CLEC2A: variants seen among roughly 807,000 people sequenced by gnomAD.
CLEC2A encodes the protein C-type lectin domain family 2 member A, also known as keratinocyte-associated C-type lectin.
In CLEC2A, 19 loss-of-function variants were observed where a neutral mutation model predicts 18.6. The observed-to-expected ratio is 1.02, with a 90% CI of 0.71 to 1.50. The LOEUF (loss-of-function observed/expected upper bound fraction) is 1.50, where lower values mean the gene tolerates loss of function less well. Ranked by LOEUF, CLEC2A falls within the 40% of genes most tolerant of loss-of-function variation. The pLI, the probability that CLEC2A is intolerant of heterozygous loss-of-function variation, is 0.00. For synonymous variants in CLEC2A, 74 were observed against 64.0 expected (o/e 1.16, Z -0.75); for missense variants, 190 against 207.9 (o/e 0.91, Z 0.53).
chr12:9,921,999 T>A (rs947574278), intron 3 of CLEC2A, 67 bp downstream of exon 3: 1 of 1,254,548 alleles, frequency 8.0e-7, no homozygotes, highest in Non-Finnish European at 1.1e-6. Context: ...GTATTAGCTA[T>A]TATTGTTTTA....
chr12:9,919,235 C>T (rs544916191), intron 3 of CLEC2A, among the ~76,000 whole-genome samples: 1 of 152,286 alleles, frequency 6.6e-6, no homozygotes, highest in African/African-American at 2.4e-5. Context: ...ATGGAAGAGA[C>T]CTTAGTAGTG....
chr12:9,897,562 A>T (rs547256804), downstream of CLEC2A, among the ~76,000 whole-genome samples: 210 of 133,546 alleles, frequency 1.6e-3, 1 homozygote, highest in Non-Finnish European at 1.0e-3. Context: ...GCTCAGTATA[A>T]AAAAAAAAAA....
downstream of CLEC2A, among the ~76,000 whole-genome samples, chr12:9,912,665 CAA>C (rs3053814): frequency 1.1e-3 from 158 of 142,724 alleles, no homozygotes; most frequent in Non-Finnish European, 1.1e-3. Flanking sequence ...GGGTGAAAAG[CAA>C]AAAAAAAAAA....
At chr12:9,922,013 T>A in intron 3 of CLEC2A, 53 bp downstream of exon 3, 1 of 1,379,272 alleles carries the variant, frequency 7.3e-7, no homozygotes, top group Non-Finnish European at 9.8e-7. Flanking sequence ...TGTTTTATTA[T>A]GTTTTTATAC....
rs74715174 is a variant in CLEC2A, at chr12:9,913,327, A to C, written c.*239T>G. 2.1e-6 allele frequency: 1 copy of C among 476,958 alleles called. No individual in the cohort carries two copies. Among genetic ancestry groups the C allele is most frequent in the Non-Finnish European group, 3.3e-6 (1 of 298,682 alleles). 29.5% of individuals were successfully genotyped at this position (476,958 alleles called of 1,614,324 possible). A position where few individuals can be genotyped will look rare whatever the true frequency, so the allele number is the denominator to read the frequency against. Reference sequence around the variant, plus strand: ...TGGAGCCATCCATCAGGAGGTGATTAGTTCATGAGGATGGAGCCATAGTAA... The same window carrying C: ...TGGAGCCATCCATCAGGAGGTGATTCGTTCATGAGGATGGAGCCATAGTAA... On this transcript the variant is annotated 3_prime_UTR_variant, in exon 5 of 5. Coordinates refer to ENST00000455827, the MANE Select transcript of CLEC2A (RefSeq NM_001130711.2).
the CLEC2A span, among the ~76,000 whole-genome samples, chr12:9,886,824 C>G: frequency 6.7e-6 from 1 of 148,610 alleles, no homozygotes; most frequent in African/African-American, 2.5e-5. Context: ...ATAGATAGAG[C>G]CAGGTAGAGC....
At chr12:9,905,580 G>A (rs928878648) in intron 4 of CLEC2A, among the ~76,000 whole-genome samples, 6 of 152,142 alleles carry the variant, frequency 3.9e-5, no homozygotes, top group Non-Finnish European at 8.8e-5. Context: ...TCATAACAAG[G>A]CAATGGGGAG....
chr12:9,915,237 C>T (rs1301702276), intron 4 of CLEC2A, among the ~76,000 whole-genome samples: 1 of 152,076 alleles, frequency 6.6e-6, no homozygotes, highest in Non-Finnish European at 1.5e-5. Flanking sequence ...GATAGGAATG[C>T]TTATACACTG....
chr12:9,893,193 AC>A, the CLEC2A span: 1 of 1,521,084 alleles, frequency 6.6e-7, no homozygotes. Context: ...ACAGGATCTA[AC>A]TGCACAAGGA....
At chr12:9,928,204 G>A (rs1863310735) in intron 1 of CLEC2A, among the ~76,000 whole-genome samples, 2 of 152,172 alleles carry the variant, frequency 1.3e-5, no homozygotes, top group African/African-American at 2.4e-5. Flanking sequence ...AGTGGCTCAT[G>A]CCTGTAATCC....
chr12:9,910,144 T>G (rs543641845), downstream of CLEC2A, among the ~76,000 whole-genome samples: 1 of 152,120 alleles, frequency 6.6e-6, no homozygotes, highest in Non-Finnish European at 1.5e-5. Context: ...AAATTGAGGG[T>G]TTGAGGATTG....
downstream of CLEC2A, among the ~76,000 whole-genome samples, chr12:9,894,080 TCTC>T (rs938801228): frequency 2.6e-5 from 4 of 151,804 alleles, no homozygotes; most frequent in African/African-American, 4.8e-5. Flanking sequence ...TTTCTCTTTC[TCTC>T]TTCTTCTTTC....
downstream of CLEC2A, among the ~76,000 whole-genome samples, chr12:9,894,017 TTTTTC>T (rs1329882487): frequency 6.6e-6 from 1 of 151,722 alleles, no homozygotes; most frequent in East Asian, 1.9e-4. Context: ...TATCCATTTC[TTTTTC>T]TTTTCTTCTC....
At position 9,926,465 on chromosome 12, in the gene CLEC2A, C is replaced by G. The variant is rs1002553772; in HGVS notation, c.56-122G>C. The G allele has an allele frequency of 2.5e-5, 16 of 643,192 alleles. No homozygotes were observed. In the African/African-American group the frequency reaches 3.0e-4, roughly 12 times the overall value. 39.8% of individuals were successfully genotyped at this position (643,192 alleles called of 1,614,324 possible). On this transcript the variant is annotated intron_variant, in intron 1 of 4. Coordinates refer to ENST00000455827, the MANE Select transcript of CLEC2A (RefSeq NM_001130711.2). ...AACCCTCAATCAAGTACATACATCT[C>G]AAAATAACAAAGGATAGCAAACCAT...
Position 9,913,621 on chromosome 12 carries a change from G to A in CLEC2A, c.470C>T (p.Ser157Phe), listed in dbSNP as rs1272746611. ...CCACTTGATATCAATAAATCCTCTG[G>A]AACTATGGACTCCATCAGCACTCAA... ...AFLSADGVHS[S>F]RGFIDIKWIC... Residue 157 changes from serine to phenylalanine, a missense_variant, in exon 5 of 5, where the codon TCC becomes TTC. Ser to Phe is a radical substitution (Grantham distance 155). Coordinates refer to ENST00000455827, the MANE Select transcript of CLEC2A (RefSeq NM_001130711.2). 1.9e-6 allele frequency: 3 copies of A among 1,549,610 alleles called. No individual in the cohort carries two copies. The highest frequency in any genetic ancestry group is 3.9e-5 in the Admixed American group (2 of 50,900).
intron 3 of CLEC2A, among the ~76,000 whole-genome samples, chr12:9,921,531 G>A (rs1863173015): frequency 2.0e-5 from 3 of 152,116 alleles, no homozygotes; most frequent in Admixed American, 2.0e-4. Context: ...AGGCTACAGT[G>A]AGCTGAGATT....
chr12:9,906,949 G>A (rs1026351883), intron 4 of CLEC2A, among the ~76,000 whole-genome samples: 38 of 152,138 alleles, frequency 2.5e-4, no homozygotes, highest in Admixed American at 3.9e-4. Flanking sequence ...GAATAGCTTC[G>A]CATTTTAAGA....
chr12:9,916,729 T>C lies in CLEC2A; in HGVS notation c.381A>G (p.Lys127=). 1 of 1,550,766 alleles carries C rather than the reference T, an allele frequency of 6.4e-7. No homozygotes were observed. Among genetic ancestry groups the C allele is most frequent in the Non-Finnish European group, 8.7e-7 (1 of 1,146,104 alleles). The part of the protein sequence containing the change: ...GLSRKQGDSW[K]WTNGTTFNGW... ...CATTGAATGTGGTGCCATTTGTCCATTTCCAAGAATCTCCTTGTTTCCTGC... is the reference window on the plus strand; with the variant it reads ...CATTGAATGTGGTGCCATTTGTCCACTTCCAAGAATCTCCTTGTTTCCTGC... Residue 127 remains lysine (K), a synonymous_variant, in exon 4 of 5, where the codon AAA becomes AAG. Transcript: ENST00000455827.
At chr12:9,904,593 C>T (rs1054795378) in intron 4 of CLEC2A, among the ~76,000 whole-genome samples, 4 of 152,104 alleles carry the variant, frequency 2.6e-5, no homozygotes, top group Non-Finnish European at 5.9e-5. Flanking sequence ...CACATGTTCT[C>T]CAGACTCTGG....
Sources: gnomAD v4.1 joint callset for allele counts (sites outside exome capture counted in the v4.1 genomes callset) on GRCh38, gnomAD v4.1.1 for gene constraint, MANE v1.5 for transcripts, NCBI Gene and HGNC (gene_info 2026-07-23, HGNC 2026-07-21) for gene names.